Variants in MLLT3 observed in about 807,000 individuals in gnomAD.
MLLT3 encodes protein AF-9.
A neutral mutation model predicts 53.2 loss-of-function variants in MLLT3; 4 were observed. The ratio of observed to expected loss-of-function variants is 0.08; its 90% CI spans 0.04 to 0.17. MLLT3 has a LOEUF of 0.17. Ranked by LOEUF, MLLT3 falls within the 10% of genes least tolerant of loss-of-function variation. The probability of loss-of-function intolerance (pLI) is 1.00; values close to 1 mark genes in which losing one functional copy is unlikely to be tolerated. For synonymous variants in MLLT3, 283 were observed against 230.6 expected, an observed-to-expected ratio of 1.23 and a Z score of -2.06; for missense variants, 569 against 684.0, an observed-to-expected ratio of 0.83 and a Z score of 1.87.
intron 8 of MLLT3, among the ~76,000 whole-genome samples, chr9:20,358,292 G>T (rs1465200147): frequency 6.6e-6 from 1 of 152,046 alleles, no homozygotes; most frequent in African/African-American, 2.4e-5. Context: ...CCCTCCTGTG[G>T]TATATATATT....
intron 5 of MLLT3, among the ~76,000 whole-genome samples, chr9:20,375,076 T>C (rs748699264): frequency 3.3e-4 from 51 of 152,336 alleles, no homozygotes; most frequent in Admixed American, 6.5e-4. Context: ...AGATTCCTTG[T>C]TGGACTTCCC....
At chr9:20,546,464 G>C (rs1045215058) in intron 2 of MLLT3, among the ~76,000 whole-genome samples, 1 of 151,400 alleles carries the variant, frequency 6.6e-6, no homozygotes. Context: ...GATTGCTTAA[G>C]CCCAAGAGGT....
chr9:20,620,915 T>G lies in MLLT3; in HGVS notation c.13-81A>C. On this transcript the variant is annotated intron_variant, in intron 1 of 10. Transcript: ENST00000380338. This position sits in a 1 kb window ranked among gnomAD's most constrained non-coding sequence, Gnocchi z 6.1. ...AGTGAACGTTGCGCCTGACATTTTTTTCCTCCTTCTTGAAACGCACATAAA... is the reference window on the plus strand; with the variant it reads ...AGTGAACGTTGCGCCTGACATTTTTGTCCTCCTTCTTGAAACGCACATAAA... 1.3e-6 allele frequency: 2 copies of G among 1,486,878 alleles called. No homozygotes were observed. Among genetic ancestry groups the G allele is most frequent in the Non-Finnish European group, 1.9e-6 (2 of 1,073,402 alleles). The allele number at this position is 1,486,878 out of a possible 1,614,324, so 92.1% of individuals were successfully genotyped here. A position where few individuals can be genotyped will look rare whatever the true frequency, so the allele number is the denominator to read the frequency against.
intron 2 of MLLT3, among the ~76,000 whole-genome samples, chr9:20,531,487 G>C (rs907336816): frequency 6.6e-6 from 1 of 152,074 alleles, no homozygotes; most frequent in Non-Finnish European, 1.5e-5. Context: ...AGCACCACTT[G>C]CCTTTGTTTT....
At chr9:20,418,475 A>G (rs1822930557) in intron 4 of MLLT3, 1 of 152,072 alleles carries the variant, frequency 6.6e-6, no homozygotes, top group African/African-American at 2.4e-5. Flanking sequence ...CCCAAATCTA[A>G]CCCCATTTAC....
At chr9:20,420,746 G>A (rs1181249122) in intron 4 of MLLT3, among the ~76,000 whole-genome samples, 2 of 151,906 alleles carry the variant, frequency 1.3e-5, no homozygotes, top group East Asian at 1.9e-4. Context: ...TGCACAACGC[G>A]CAGGTTTGTT....
intron 10 of MLLT3, 69 bp downstream of exon 10, chr9:20,353,456 T>C (rs1000245531): frequency 4.5e-6 from 6 of 1,325,238 alleles, no homozygotes; most frequent in Admixed American, 1.7e-5. Flanking sequence ...CCAGGTGCTA[T>C]CACACTACTG....
At chr9:20,521,541 G>T (rs1818058164) in intron 2 of MLLT3, among the ~76,000 whole-genome samples, 1 of 151,908 alleles carries the variant, frequency 6.6e-6, no homozygotes, top group Admixed American at 6.6e-5. Context: ...AACAGAAGAA[G>T]AAATCATTTA....
chr9:20,545,211 T>C (rs1455101121), intron 2 of MLLT3, among the ~76,000 whole-genome samples: 1 of 150,626 alleles, frequency 6.6e-6, no homozygotes, highest in African/African-American at 2.4e-5. Context: ...ATGTGTTATA[T>C]ACATACAGTG....
At chr9:20,481,768 A>G (rs1241302470) in intron 2 of MLLT3, among the ~76,000 whole-genome samples, 1 of 152,212 alleles carries the variant, frequency 6.6e-6, no homozygotes, top group Non-Finnish European at 1.5e-5. Flanking sequence ...GTTCCCTCAC[A>G]TATACTTGAC....
intron 2 of MLLT3, among the ~76,000 whole-genome samples, chr9:20,534,457 C>A (rs1166895926): frequency 6.6e-6 from 1 of 152,188 alleles, no homozygotes; most frequent in Non-Finnish European, 1.5e-5. Context: ...TGAATTCATG[C>A]AATCATGTGA....
intron 2 of MLLT3, among the ~76,000 whole-genome samples, chr9:20,521,442 C>T (rs1010349624): frequency 3.6e-5 from 5 of 138,196 alleles, no homozygotes; most frequent in African/African-American, 1.4e-4. Context: ...CTCACTCTCT[C>T]TCGCTGTGTG....
At chr9:20,443,404 A>C (rs1321912560) in intron 4 of MLLT3, among the ~76,000 whole-genome samples, 3 of 152,224 alleles carry the variant, frequency 2.0e-5, no homozygotes, top group Admixed American at 2.0e-4. Context: ...TCCGCTAAAA[A>C]TTCAGAATTA....
chr9:20,454,267 G>A (rs978009449), intron 3 of MLLT3, among the ~76,000 whole-genome samples: 4 of 152,154 alleles, frequency 2.6e-5, no homozygotes, highest in Admixed American at 2.0e-4. Context: ...ACACGCATGC[G>A]TGTGTGTGCG....
At chr9:20,426,387 T>G (rs1301750257) in intron 4 of MLLT3, among the ~76,000 whole-genome samples, 1 of 152,180 alleles carries the variant, frequency 6.6e-6, no homozygotes, top group Non-Finnish European at 1.5e-5. Context: ...TAATTAGCCT[T>G]GATAAATAAT....
intron 2 of MLLT3, among the ~76,000 whole-genome samples, chr9:20,474,906 A>T (rs1824483477): frequency 6.6e-6 from 1 of 152,220 alleles, no homozygotes. Flanking sequence ...TGTTCTAAAT[A>T]TTGGAGGACT....
intron 4 of MLLT3, among the ~76,000 whole-genome samples, chr9:20,421,240 G>C (rs1415274396): frequency 6.6e-6 from 1 of 151,730 alleles, no homozygotes; most frequent in Non-Finnish European, 1.5e-5. Context: ...CTCCAGCCTG[G>C]GCAATAGAGC....
intron 2 of MLLT3, among the ~76,000 whole-genome samples, chr9:20,501,692 C>A (rs528363753): frequency 7.2e-6 from 1 of 139,228 alleles, no homozygotes; most frequent in Non-Finnish European, 1.5e-5. Flanking sequence ...CGGAGCTTGC[C>A]GTGAGCCGAG....
intron 2 of MLLT3, among the ~76,000 whole-genome samples, chr9:20,575,659 T>C (rs1012911377): frequency 1.3e-5 from 2 of 152,162 alleles, no homozygotes; most frequent in Non-Finnish European, 2.9e-5. Flanking sequence ...AGCAGTAATA[T>C]TTTGAAAGAA....
Sources: allele counts gnomAD v4.1 joint callset (sites outside exome capture counted in the v4.1 genomes callset), GRCh38; gene constraint gnomAD v4.1.1; non-coding constraint Gnocchi (gnomAD v3.1); transcripts MANE v1.5; gene names NCBI Gene and HGNC (gene_info 2026-07-23, HGNC 2026-07-21).